C10orf143: variants seen among roughly 807,000 people sequenced by gnomAD.
The protein encoded by C10orf143 is uncharacterized protein C10orf143.
intron 3 of C10orf143, among the ~76,000 whole-genome samples, chr10:130,077,837 A>C (rs947042982): frequency 1.3e-5 from 2 of 152,250 alleles, no homozygotes; most frequent in African/African-American, 4.8e-5. Flanking sequence ...GTCTGTTCAA[A>C]TATCAAGAGG....
Position 130,064,198 on chromosome 10 carries a change from T to A in C10orf143, c.*156A>T. 2.5e-6 allele frequency: 1 copy of A among 392,916 alleles called. No individual in the cohort carries two copies. 24.3% of individuals were successfully genotyped at this position (392,916 alleles called of 1,614,324 possible). A position where few individuals can be genotyped will look rare whatever the true frequency, so the allele number is the denominator to read the frequency against. On this transcript the variant is annotated 3_prime_UTR_variant, in exon 4 of 4. Coordinates refer to ENST00000637128, the MANE Select transcript of C10orf143 (RefSeq NM_001355042.2). ...GCAGAGGATGGTGGATTTACTAGAA[T>A]GAAAGGACAGACAAACCTCCCCCCA...
At chr10:130,108,496 A>C in intron 1 of C10orf143, 24 of 719,400 alleles carry the variant, frequency 3.3e-5, no homozygotes, top group Middle Eastern at 2.4e-4. Flanking sequence ...GACTGATCTC[A>C]TTTCAAGTAA....
chr10:130,090,509 A>G (rs913033065), intron 1 of C10orf143, among the ~76,000 whole-genome samples: 2 of 152,128 alleles, frequency 1.3e-5, no homozygotes, highest in Non-Finnish European at 2.9e-5. Context: ...CACCAAGCTA[A>G]CTGCAGGAGT....
chr10:130,096,947 A>G (rs1379555140), intron 1 of C10orf143, among the ~76,000 whole-genome samples: 1 of 150,392 alleles, frequency 6.6e-6, no homozygotes. Context: ...ATATATATAT[A>G]TAAAATTTAA....
intron 3 of C10orf143, among the ~76,000 whole-genome samples, chr10:130,052,463 A>C (rs1252356266): frequency 1.3e-5 from 2 of 152,134 alleles, no homozygotes; most frequent in Non-Finnish European, 2.9e-5. Context: ...TCCCCGGGAT[A>C]GTTACTGCCC....
chr10:130,088,688 C>T (rs983017476), intron 1 of C10orf143, among the ~76,000 whole-genome samples: 7 of 152,166 alleles, frequency 4.6e-5, no homozygotes, highest in South Asian at 2.1e-4. Flanking sequence ...GCAGCTGATA[C>T]GGATGCCCAT....
intron 1 of C10orf143, among the ~76,000 whole-genome samples, chr10:130,081,105 ATC>A (rs1163908007): frequency 7.3e-4 from 111 of 152,366 alleles, no homozygotes; most frequent in African/African-American, 2.6e-3. Context: ...TGTACTTAAA[ATC>A]AAGTGATTCT....
intron 3 of C10orf143, among the ~76,000 whole-genome samples, chr10:130,075,912 T>A (rs550147503): frequency 6.6e-6 from 1 of 152,126 alleles, no homozygotes; most frequent in African/African-American, 2.4e-5. Context: ...GTGAGTCAAC[T>A]AGATCTCTTT....
intron 3 of C10orf143, among the ~76,000 whole-genome samples, chr10:130,038,430 A>T (rs1441694973): frequency 1.2e-4 from 18 of 152,100 alleles, no homozygotes. Flanking sequence ...ATCCAGGAGC[A>T]TCTGTCTTGG....
intron 1 of C10orf143, among the ~76,000 whole-genome samples, chr10:130,092,182 A>G (rs1406417184): frequency 6.6e-6 from 1 of 152,232 alleles, no homozygotes; most frequent in Admixed American, 6.5e-5. Context: ...TGGGTTACCC[A>G]CAAAGGGAAG....
At chr10:130,106,029 A>G in intron 1 of C10orf143, 1 of 502,764 alleles carries the variant, frequency 2.0e-6, no homozygotes, top group South Asian at 1.6e-5. Flanking sequence ...GGCGACCGCC[A>G]GAGCAGCCTT....
chr10:130,062,288 T>C (rs1357985177), downstream of C10orf143, among the ~76,000 whole-genome samples: 1 of 152,160 alleles, frequency 6.6e-6, no homozygotes, highest in Non-Finnish European at 1.5e-5. Context: ...TCAACTTGAT[T>C]GAAGGATGCC....
Position 130,073,154 on chromosome 10 carries a change from G to A in C10orf143, c.297+6412C>T, listed in dbSNP as rs74162550. On this transcript the variant is annotated intron_variant, in intron 3 of 3. Coordinates refer to ENST00000637128, the MANE Select transcript of C10orf143 (RefSeq NM_001355042.2). ...TTTTTCTAGTGTGATCTTATCCTCCGTGGGGGTTGTTTTATCTCCAAATCT... is the reference window on the plus strand; with the variant it reads ...TTTTTCTAGTGTGATCTTATCCTCCATGGGGGTTGTTTTATCTCCAAATCT... 5.2e-3 allele frequency among the ~76,000 whole-genome samples: 784 copies of A among 152,214 alleles called. 10 individuals are homozygous for A. Among genetic ancestry groups the A allele is most frequent in the African/African-American group, 0.017 (716 of 41,532 alleles).
At chr10:130,077,434 C>T (rs943762355) in intron 3 of C10orf143, among the ~76,000 whole-genome samples, 1 of 152,184 alleles carries the variant, frequency 6.6e-6, no homozygotes, top group African/African-American at 2.4e-5. Context: ...TGGAGAACAG[C>T]CACCAAATAA....
intron 1 of C10orf143, among the ~76,000 whole-genome samples, chr10:130,093,637 T>C (rs1287909732): frequency 6.6e-6 from 1 of 152,130 alleles, no homozygotes; most frequent in Non-Finnish European, 1.5e-5. Flanking sequence ...GCTGATTTTT[T>C]GAAAAGATTA....
chr10:130,081,377 A>G (rs545104771), intron 1 of C10orf143, among the ~76,000 whole-genome samples: 5 of 152,362 alleles, frequency 3.3e-5, no homozygotes, highest in Admixed American at 3.3e-4. Flanking sequence ...TACTAATAAC[A>G]GGAGGTTTCA....
chr10:130,105,162 A>C (rs1214016749), intron 1 of C10orf143, among the ~76,000 whole-genome samples: 9 of 152,084 alleles, frequency 5.9e-5, no homozygotes, highest in African/African-American at 9.7e-5. Flanking sequence ...TCCTGACCTC[A>C]AGTGATCAGC....
chr10:130,037,777 C>A (rs901104274), intron 3 of C10orf143, among the ~76,000 whole-genome samples: 2 of 152,202 alleles, frequency 1.3e-5, no homozygotes, highest in Non-Finnish European at 2.9e-5. Flanking sequence ...TCCCAGCTAA[C>A]CCACTGTGAT....
intron 3 of C10orf143, among the ~76,000 whole-genome samples, chr10:130,043,732 A>G (rs1860633655): frequency 6.6e-6 from 1 of 152,204 alleles, no homozygotes; most frequent in Admixed American, 6.5e-5. Flanking sequence ...CCAGAAGTTG[A>G]AGCATCTCCA....
Sources: gnomAD v4.1 joint callset for allele counts (sites outside exome capture counted in the v4.1 genomes callset) on GRCh38, gnomAD v4.1.1 for gene constraint, MANE v1.5 for transcripts, NCBI Gene and HGNC (gene_info 2026-07-23, HGNC 2026-07-21) for gene names.